The following DSCAM variants were observed in gnomAD, a reference collection of about 807,000 sequenced individuals.
DSCAM encodes the protein DS cell adhesion molecule.
DSCAM carries 47 observed loss-of-function variants against 217.7 expected under a neutral mutation model. That is an observed-to-expected ratio of 0.22 (90% confidence interval 0.17 to 0.28). The LOEUF is 0.28. Ranked by LOEUF, DSCAM falls within the 10% of genes least tolerant of loss-of-function variation. DSCAM has a pLI of 1.00. For synonymous variants in DSCAM, 1,056 were observed against 1,015.3 expected (o/e 1.04, Z -0.76); for missense variants, 2,080 against 2,618.3 (o/e 0.79, Z 4.49).
chr21:40,724,210 A>G (rs2090931299), intron 1 of DSCAM, among the ~76,000 whole-genome samples: 1 of 152,252 alleles, frequency 6.6e-6, no homozygotes, highest in Non-Finnish European at 1.5e-5. Flanking sequence ...TTCAAAAGGC[A>G]TGAAAGTGGC....
intron 3 of DSCAM, among the ~76,000 whole-genome samples, chr21:40,472,623 T>C (rs964235000): frequency 8.5e-5 from 13 of 152,248 alleles, no homozygotes; most frequent in African/African-American, 2.9e-4. Flanking sequence ...TTTAAGGTGA[T>C]ATTGCAGATA....
intron 11 of DSCAM, among the ~76,000 whole-genome samples, chr21:40,207,551 A>G (rs1200134744): frequency 6.6e-6 from 1 of 152,248 alleles, no homozygotes; most frequent in Non-Finnish European, 1.5e-5. Context: ...GCTCATTGCA[A>G]TCTTATTGAT....
chr21:40,164,034 C>T (rs1568976192), intron 16 of DSCAM, among the ~76,000 whole-genome samples: 1 of 152,206 alleles, frequency 6.6e-6, no homozygotes, highest in Non-Finnish European at 1.5e-5. Flanking sequence ...TCATGGAACA[C>T]ATGCCAGCCA....
chr21:40,248,012 A>G (rs551741308), intron 11 of DSCAM, among the ~76,000 whole-genome samples: 35 of 152,220 alleles, frequency 2.3e-4, no homozygotes, highest in African/African-American at 7.5e-4. Context: ...TGGGGCTTGC[A>G]CCCTCTGAAG....
chr21:40,023,606 T>A (rs1251371215), intron 32 of DSCAM, among the ~76,000 whole-genome samples: 1 of 116,446 alleles, frequency 8.6e-6, no homozygotes, highest in Admixed American at 9.5e-5. Flanking sequence ...GATTTGCATT[T>A]CTCTGATGGC....
rs952446283 is a variant in DSCAM, at chr21:40,144,803, C to T, written c.3019-72G>A. 14 of 1,590,374 alleles carry T rather than the reference C, an allele frequency of 8.8e-6. No homozygotes were observed. The highest frequency in any genetic ancestry group is 1.2e-5 in the Non-Finnish European group (14 of 1,169,034). On this transcript the variant is annotated intron_variant, in intron 16 of 32. Transcript: ENST00000400454. The surrounding 1 kb of genome is among the most constrained non-coding windows in gnomAD (Gnocchi z 4.8). ...CAAGAGCGAAATCAACGCCCACACC[C>T]ACGTAGGAAAGCAGAAATAAAGTGG...
At chr21:40,557,763 AT>A (rs2076683871) in intron 3 of DSCAM, among the ~76,000 whole-genome samples, 1 of 152,180 alleles carries the variant, frequency 6.6e-6, no homozygotes, top group South Asian at 2.1e-4. Context: ...AGCCATCAGA[AT>A]TGTGAGCCAA....
At chr21:40,843,790 C>CTTTT (rs56383167) in intron 1 of DSCAM, among the ~76,000 whole-genome samples, 2 of 118,966 alleles carry the variant, frequency 1.7e-5, no homozygotes, top group Non-Finnish European at 1.8e-5. Flanking sequence ...CTGACTTCTT[C>CTTTT]TTTTTTTTTT....
At chr21:40,326,995 T>C (rs1213449527) in intron 8 of DSCAM, among the ~76,000 whole-genome samples, 1 of 151,060 alleles carries the variant, frequency 6.6e-6, no homozygotes, top group Non-Finnish European at 1.5e-5. Flanking sequence ...ATAAATGTTA[T>C]ATAGGTGTAT....
intron 18 of DSCAM, among the ~76,000 whole-genome samples, chr21:40,139,863 TG>T (rs2090267626): frequency 6.7e-6 from 1 of 150,102 alleles, no homozygotes; most frequent in African/African-American, 2.5e-5. Flanking sequence ...GTGGGGTGTG[TG>T]TATGTGTGTT....
At chr21:40,185,997 C>T (rs573457758) in intron 14 of DSCAM, among the ~76,000 whole-genome samples, 4 of 152,326 alleles carry the variant, frequency 2.6e-5, no homozygotes, top group South Asian at 4.1e-4. Context: ...ACTCAGAGGC[C>T]GATGACCTGA....
intron 3 of DSCAM, among the ~76,000 whole-genome samples, chr21:40,535,538 C>G (rs971792633): frequency 2.0e-5 from 3 of 152,200 alleles, no homozygotes; most frequent in Non-Finnish European, 4.4e-5. Context: ...ACTGTAGAGA[C>G]TCAACTAACT....
intron 3 of DSCAM, among the ~76,000 whole-genome samples, chr21:40,677,988 C>CT (rs906908750): frequency 4.0e-5 from 6 of 151,120 alleles, no homozygotes; most frequent in South Asian, 2.1e-4. Flanking sequence ...ATATATAATA[C>CT]TTTTTTTTCA....
At chr21:40,810,717 A>G (rs1365244175) in intron 1 of DSCAM, among the ~76,000 whole-genome samples, 1 of 152,204 alleles carries the variant, frequency 6.6e-6, no homozygotes, top group Non-Finnish European at 1.5e-5. Flanking sequence ...TCTGGGAAAC[A>G]TAGCAAGACC....
At chr21:40,511,864 G>A (rs1010854059) in intron 3 of DSCAM, among the ~76,000 whole-genome samples, 9 of 151,626 alleles carry the variant, frequency 5.9e-5, no homozygotes, top group Non-Finnish European at 1.0e-4. Context: ...GGTGGCAGGC[G>A]CCTGTAGTCC....
chr21:40,316,647 G>A (rs549231714), intron 8 of DSCAM, among the ~76,000 whole-genome samples: 1 of 152,092 alleles, frequency 6.6e-6, no homozygotes, highest in Admixed American at 6.5e-5. Flanking sequence ...GACACACACC[G>A]CTTTTGACAT....
chr21:40,770,062 CATTTT>C (rs2091431223), intron 1 of DSCAM, among the ~76,000 whole-genome samples: 1 of 152,112 alleles, frequency 6.6e-6, no homozygotes, highest in African/African-American at 2.4e-5. Flanking sequence ...TATCAAAGGT[CATTTT>C]TTTTTCTTTA....
intron 1 of DSCAM, among the ~76,000 whole-genome samples, chr21:40,814,251 C>T (rs570385567): frequency 2.5e-4 from 38 of 152,348 alleles, no homozygotes; most frequent in East Asian, 5.8e-4. Flanking sequence ...CAGAACCATG[C>T]AGACTCTCTG....
intron 8 of DSCAM, among the ~76,000 whole-genome samples, chr21:40,315,477 AAG>A (rs939948721): frequency 1.3e-5 from 2 of 152,162 alleles, no homozygotes; most frequent in Admixed American, 6.5e-5. Context: ...TTTAGAGCAT[AAG>A]AGAGTTATAG....
Sources: gnomAD v4.1 joint callset for allele counts (sites outside exome capture counted in the v4.1 genomes callset) on GRCh38, gnomAD v4.1.1 for gene constraint, Gnocchi (gnomAD v3.1) non-coding constraint, MANE v1.5 for transcripts, NCBI Gene and HGNC (gene_info 2026-07-23, HGNC 2026-07-21) for gene names.